Variants in GPR176 observed in about 807,000 individuals in gnomAD.
The protein encoded by GPR176 is G protein-coupled receptor 176.
In GPR176, 26 loss-of-function variants were observed where a neutral mutation model predicts 35.4. The ratio of observed to expected loss-of-function variants is 0.74; its 90% CI spans 0.54 to 1.02. The LOEUF (loss-of-function observed/expected upper bound fraction) is 1.02, where lower values mean the gene tolerates loss of function less well. Ranked by LOEUF, GPR176 falls within the 50% of genes least tolerant of loss-of-function variation. The pLI, the probability that GPR176 is intolerant of heterozygous loss-of-function variation, is 0.00. For missense variants in GPR176, 597 were observed against 665.3 expected, an observed-to-expected ratio of 0.90 and a Z score of 1.13; for synonymous variants, 278 against 271.3, an observed-to-expected ratio of 1.02 and a Z score of -0.24.
At chr15:39,887,599 TA>T (rs10561003) in intron 1 of GPR176, among the ~76,000 whole-genome samples, 105,015 of 141,862 alleles carry the variant, frequency 0.74, 39,777 homozygotes, top group Middle Eastern at 0.86. Flanking sequence ...AATTTAAATT[TA>T]AAAAAAAAAA....
chr15:39,883,316 T>C (rs1161614025), intron 1 of GPR176, among the ~76,000 whole-genome samples: 2 of 152,180 alleles, frequency 1.3e-5, no homozygotes, highest in Admixed American at 1.3e-4. Context: ...ATATTTTACT[T>C]CAGAATTATA....
intron 1 of GPR176, among the ~76,000 whole-genome samples, chr15:39,846,152 T>C (rs1178644859): frequency 6.6e-6 from 1 of 152,200 alleles, no homozygotes; most frequent in Non-Finnish European, 1.5e-5. Context: ...TAAGGTACCA[T>C]TTAAAACTCT....
At chr15:39,829,211 C>A in intron 1 of GPR176, 1 of 1,518,410 alleles carries the variant, frequency 6.6e-7, no homozygotes, top group South Asian at 1.2e-5. Context: ...ACGCAACCCC[C>A]AACACTGAGA....
At chr15:39,853,669 T>C (rs879524953) in intron 1 of GPR176, among the ~76,000 whole-genome samples, 6 of 152,144 alleles carry the variant, frequency 3.9e-5, no homozygotes, top group East Asian at 3.9e-4. Flanking sequence ...CTGGGAACAT[T>C]TGGCAATGTA....
At position 39,799,447 on chromosome 15, in the gene GPR176, C is replaced by T. The variant is rs565909114; in HGVS notation, c.*1685G>A. ...AAACAGTGCTATGAGGAGACCAACA[C>T]AAAGAGGAAGGTGCTTCCTCTCCAG... On this transcript the variant is annotated 3_prime_UTR_variant, in exon 3 of 3. Transcript: ENST00000561100. 1.3e-5 allele frequency: 2 copies of T among 152,260 alleles called. No homozygotes were observed. The highest frequency in any genetic ancestry group is 2.4e-5 in the African/African-American group (1 of 41,464). The allele number at this position is 152,260 out of a possible 1,614,324, so 9.4% of individuals were successfully genotyped here.
intron 1 of GPR176, among the ~76,000 whole-genome samples, chr15:39,840,070 G>A (rs1901649605): frequency 6.6e-6 from 1 of 152,168 alleles, no homozygotes; most frequent in Admixed American, 6.5e-5. Context: ...GGAAGACAGT[G>A]TGGCAATTCC....
intron 1 of GPR176, among the ~76,000 whole-genome samples, chr15:39,834,331 A>G (rs977547868): frequency 6.6e-6 from 1 of 152,212 alleles, no homozygotes; most frequent in African/African-American, 2.4e-5. Context: ...GAAAGAAGCC[A>G]ATCAATTATT....
Position 39,800,577 on chromosome 15 carries a change from G to T in GPR176, c.*555C>A, listed in dbSNP as rs1898789131. 1 of 154,908 alleles carries T rather than the reference G, an allele frequency of 6.5e-6. No individual in the cohort carries two copies. Among genetic ancestry groups the T allele is most frequent in the Admixed American group, 6.3e-5 (1 of 15,954 alleles). The allele number at this position is 154,908 out of a possible 1,614,324, so 9.6% of individuals were successfully genotyped here. On this transcript the variant is annotated 3_prime_UTR_variant, in exon 3 of 3. Transcript: ENST00000561100. Reference sequence around the variant, plus strand: ...TACATCCCAATGAAAGGGACGAAGGGTATCAGGAGAAACAGTGAGTCATAT... The same window carrying T: ...TACATCCCAATGAAAGGGACGAAGGTTATCAGGAGAAACAGTGAGTCATAT...
chr15:39,876,651 C>G lies in GPR176; in HGVS notation c.172+43204G>C, dbSNP rs540008055. Among the ~76,000 whole-genome samples the G allele has an allele frequency of 2.5e-3, 373 of 152,076 alleles. 1 individual carries two copies. Among genetic ancestry groups the G allele is most frequent in the African/African-American group, 8.6e-3 (356 of 41,506 alleles). On this transcript the variant is annotated intron_variant, in intron 1 of 2. Coordinates refer to ENST00000561100, the MANE Select transcript of GPR176 (RefSeq NM_007223.3). The stretch of plus-strand genomic sequence containing the variant: ...CCTATTTTCTGGTAGTAAATTTTCA[C>G]AGTGAGAACATGGCAAAACCCCCTC...
At chr15:39,838,422 G>C (rs1595466945) in intron 1 of GPR176, among the ~76,000 whole-genome samples, 1 of 152,206 alleles carries the variant, frequency 6.6e-6, no homozygotes, top group Non-Finnish European at 1.5e-5. Context: ...ATGACTTACT[G>C]ATTCTTAATT....
chr15:39,856,064 C>T lies in GPR176; in HGVS notation c.173-48806G>A, dbSNP rs551870884. On this transcript the variant is annotated intron_variant, in intron 1 of 2. Transcript: ENST00000561100. ...AAGTGAAGGAGACAAGATTCAAACC[C>T]AGGCAATTGATTCCAGAACCATGCT... Among the ~76,000 whole-genome samples the T allele has an allele frequency of 5.3e-5, 8 of 152,304 alleles. No individual in the cohort carries two copies. The East Asian group carries it at 9.7e-4, about 18-fold the overall frequency.
chr15:39,813,372 T>C (rs1399721513), intron 1 of GPR176: 2 of 152,192 alleles, frequency 1.3e-5, no homozygotes, highest in Non-Finnish European at 2.9e-5. Flanking sequence ...CTCTTTTTGG[T>C]TGTCTGAAAA....
At chr15:39,870,470 T>TG (rs1029458042) in intron 1 of GPR176, among the ~76,000 whole-genome samples, 49 of 152,212 alleles carry the variant, frequency 3.2e-4, no homozygotes, top group African/African-American at 1.1e-3. Context: ...TAGAAGAAAA[T>TG]GATAAATTCC....
intron 1 of GPR176, among the ~76,000 whole-genome samples, chr15:39,833,120 C>T (rs1901195538): frequency 6.6e-6 from 1 of 151,982 alleles, no homozygotes; most frequent in African/African-American, 2.4e-5. Context: ...ATTCTGCTGC[C>T]TCCCACACAT....
At chr15:39,858,377 A>T (rs1210247435) in intron 1 of GPR176, among the ~76,000 whole-genome samples, 2 of 152,192 alleles carry the variant, frequency 1.3e-5, no homozygotes, top group Non-Finnish European at 2.9e-5. Flanking sequence ...CTGTTCTATG[A>T]AAGATTGCAA....
At chr15:39,876,974 G>A (rs182195023) in intron 1 of GPR176, among the ~76,000 whole-genome samples, 2 of 152,122 alleles carry the variant, frequency 1.3e-5, no homozygotes, top group Non-Finnish European at 2.9e-5. Context: ...AAAAAATAAG[G>A]TTACTTCTTC....
At position 39,801,922 on chromosome 15, in the gene GPR176, G is replaced by A; in HGVS notation, c.758C>T (p.Ser253Phe). The A allele has an allele frequency of 1.2e-6, 2 of 1,614,100 alleles. No individual in the cohort carries two copies. Among genetic ancestry groups the A allele is most frequent in the Non-Finnish European group, 1.7e-6 (2 of 1,179,980 alleles). ...AALRTPQNTISIPYASQREAE... is the reference protein window; with the variant it reads ...AALRTPQNTIFIPYASQREAE... ...CTCCCGCTGGGAGGCATAGGGAATAGAGATGGTGTTCTGTGGGGTCCGGAG... is the reference window on the plus strand; with the variant it reads ...CTCCCGCTGGGAGGCATAGGGAATAAAGATGGTGTTCTGTGGGGTCCGGAG... The change falls in exon 3 of 3, where the codon TCT becomes TTT. Residue 253 changes from serine to phenylalanine, a missense_variant. Coordinates refer to ENST00000561100, the MANE Select transcript of GPR176 (RefSeq NM_007223.3).
intron 1 of GPR176, among the ~76,000 whole-genome samples, chr15:39,912,469 AT>A (rs1272686813): frequency 6.6e-6 from 1 of 151,794 alleles, no homozygotes; most frequent in Non-Finnish European, 1.5e-5. Flanking sequence ...AAAAAAAAAA[AT>A]TATCCAGGTG....
chr15:39,902,017 G>A (rs1314987652), intron 1 of GPR176, among the ~76,000 whole-genome samples: 2 of 152,098 alleles, frequency 1.3e-5, no homozygotes, highest in Non-Finnish European at 2.9e-5. Flanking sequence ...CCAGGAGGCA[G>A]AGGTTGCAGT....
Sources: gnomAD v4.1 joint callset for allele counts (sites outside exome capture counted in the v4.1 genomes callset) on GRCh38, gnomAD v4.1.1 for gene constraint, MANE v1.5 for transcripts, NCBI Gene and HGNC (gene_info 2026-07-23, HGNC 2026-07-21) for gene names.